Variants in SCML2 observed in about 807,000 individuals in gnomAD.
The protein encoded by SCML2 is sex comb on midleg-like protein 2.
SCML2 carries 6 observed loss-of-function variants against 48.4 expected under a neutral mutation model. That is an observed-to-expected ratio of 0.12 (90% CI 0.07 to 0.24). SCML2 has a LOEUF of 0.24. SCML2 is among the 10% of genes least tolerant of loss of function. The pLI is 1.00. For synonymous variants in SCML2, 181 were observed against 189.5 expected (o/e 0.95, Z 0.37); for missense variants, 377 against 528.2 (o/e 0.71, Z 2.81).
At chrX:18,353,700 G>A (rs1930443955) in intron 1 of SCML2, among the ~76,000 whole-genome samples, 1 of 112,330 alleles carries the variant, frequency 8.9e-6, no homozygotes, top group African/African-American at 3.2e-5. Flanking sequence ...GTAAATACTT[G>A]TGCTGCCCAA....
At chrX:18,264,420 A>C (rs1342073258) in intron 8 of SCML2, among the ~76,000 whole-genome samples, 4 of 88,759 alleles carry the variant, frequency 4.5e-5, no homozygotes, top group Non-Finnish European at 6.6e-5. Context: ...TGGTCTTTTT[A>C]ATCAGTACGA....
At chrX:18,324,497 C>T (rs1172293892) in intron 4 of SCML2, among the ~76,000 whole-genome samples, 1 of 111,277 alleles carries the variant, frequency 9.0e-6, no homozygotes, top group Non-Finnish European at 1.9e-5. Flanking sequence ...TCCACATTAT[C>T]GCCTCTATCC....
chrX:18,263,068 T>C (rs994182179), intron 8 of SCML2, among the ~76,000 whole-genome samples: 5 of 111,639 alleles, frequency 4.5e-5, no homozygotes, highest in Non-Finnish European at 7.5e-5. Flanking sequence ...TTATAATGAA[T>C]ATATTTGAAT....
intron 13 of SCML2, among the ~76,000 whole-genome samples, chrX:18,246,168 C>G (rs1403938115): frequency 8.9e-6 from 1 of 112,074 alleles, no homozygotes; most frequent in Admixed American, 9.4e-5. Flanking sequence ...GATGCCAGCC[C>G]GAATCCAGGA....
chrX:18,322,553 C>T (rs1173119690), intron 5 of SCML2, among the ~76,000 whole-genome samples: 1 of 111,987 alleles, frequency 8.9e-6, no homozygotes, highest in Non-Finnish European at 1.9e-5. Flanking sequence ...AAAAAACAAA[C>T]ATGCCCCAAA....
At chrX:18,320,684 G>A (rs1384157122) in intron 5 of SCML2, among the ~76,000 whole-genome samples, 1 of 110,984 alleles carries the variant, frequency 9.0e-6, no homozygotes, top group Non-Finnish European at 1.9e-5. Flanking sequence ...AAACAAACAT[G>A]TATATAATAC....
upstream of SCML2, among the ~76,000 whole-genome samples, chrX:18,355,012 C>T (rs2147582192): frequency 9.0e-6 from 1 of 111,653 alleles, no homozygotes; most frequent in South Asian, 3.7e-4. Flanking sequence ...ACTCGCTCCC[C>T]TTCACTGTCG....
Position 18,294,102 on chromosome X carries a change from A to G in SCML2, c.730+10870T>C, listed in dbSNP as rs951827999. On this transcript the variant is annotated intron_variant, in intron 7 of 14. Coordinates refer to ENST00000251900, the MANE Select transcript of SCML2 (RefSeq NM_006089.3). Reference sequence around the variant, plus strand: ...AATATGTGGGTAAATCTCAACAAACATTGACTATGTAAGTAATAATAGTAA... The same window carrying G: ...AATATGTGGGTAAATCTCAACAAACGTTGACTATGTAAGTAATAATAGTAA... 4.5e-5 allele frequency among the ~76,000 whole-genome samples: 5 copies of G among 112,264 alleles called. No individual in the cohort carries two copies. In the Admixed American group the frequency reaches 4.7e-4, roughly 11 times the overall value.
chrX:18,312,055 G>A (rs1252091558), intron 6 of SCML2, among the ~76,000 whole-genome samples: 1 of 112,058 alleles, frequency 8.9e-6, no homozygotes, highest in Non-Finnish European at 1.9e-5. Flanking sequence ...GCCTCCCAAT[G>A]TGCTGGGATT....
In SCML2 at chrX:18,256,950, A is replaced by G. The variant is rs745552960; in HGVS notation, c.1354T>C (p.Phe452Leu). ...TTATCACACTGCAGACTGTGGCAGA[A>G]GTTCTCAAGAAAGCGAAGAGCAAAT... ...ASFALRFLEN[F>L]CHSLQCDNLL... is the part of the protein sequence containing the mutation. The change falls in exon 11 of 15, where the codon TTC becomes CTC. Residue 452 changes from phenylalanine (F) to leucine (L), a missense_variant. Around this residue, in one of 3 missense-constraint regions of SCML2, gnomAD observed 299 missense variants for 425.5 expected, o/e 0.70. Coordinates refer to ENST00000251900, the MANE Select transcript of SCML2 (RefSeq NM_006089.3). The G allele has an allele frequency of 8.3e-7, 1 of 1,208,938 alleles. No individual in the cohort carries two copies. The highest frequency in any genetic ancestry group is 3.0e-5 in the East Asian group (1 of 33,749).
At chrX:18,318,271 A>T (rs1348566013) in intron 6 of SCML2, among the ~76,000 whole-genome samples, 3 of 113,005 alleles carry the variant, frequency 2.7e-5, no homozygotes, top group African/African-American at 9.6e-5. Context: ...GCGTACCCAC[A>T]GAATTTTTCT....
intron 6 of SCML2, among the ~76,000 whole-genome samples, chrX:18,310,557 C>T (rs747319344): frequency 7.3e-5 from 8 of 110,223 alleles, no homozygotes; most frequent in African/African-American, 2.3e-4. Context: ...TGAGCCACTG[C>T]GCCCAGCCTT....
chrX:18,281,658 G>A (rs1927856481), intron 7 of SCML2, among the ~76,000 whole-genome samples: 1 of 103,666 alleles, frequency 9.6e-6, no homozygotes. Flanking sequence ...GTTGCAGTGA[G>A]CTGAGATCGC....
chrX:18,324,830 G>T, intron 4 of SCML2, 77 bp downstream of exon 4: 1 of 755,103 alleles, frequency 1.3e-6, no homozygotes, highest in Non-Finnish European at 2.0e-6. Context: ...CACACTACCA[G>T]AATCTAACAA....
At chrX:18,256,523 T>C (rs901957479) in intron 11 of SCML2, among the ~76,000 whole-genome samples, 2 of 111,458 alleles carry the variant, frequency 1.8e-5, no homozygotes, top group African/African-American at 6.5e-5. Flanking sequence ...TTATAGCCAA[T>C]AGGCTCAACA....
chrX:18,313,138 T>C (rs184087608), intron 6 of SCML2, among the ~76,000 whole-genome samples: 1 of 110,761 alleles, frequency 9.0e-6, no homozygotes, highest in East Asian at 2.9e-4. Flanking sequence ...GTCTTTGCCC[T>C]GTTATTCCAA....
At chrX:18,268,690 C>T (rs980443652) in intron 7 of SCML2, among the ~76,000 whole-genome samples, 2 of 108,811 alleles carry the variant, frequency 1.8e-5, no homozygotes, top group African/African-American at 3.4e-5. Context: ...GTGGGTGCAG[C>T]GCACCAGCAT....
At chrX:18,318,996 C>T (rs1466734990) in intron 6 of SCML2, among the ~76,000 whole-genome samples, 1 of 111,985 alleles carries the variant, frequency 8.9e-6, no homozygotes. Context: ...TCCAATATGA[C>T]TGACATCCTT....
intron 1 of SCML2, among the ~76,000 whole-genome samples, chrX:18,351,674 C>CAA (rs58429855): frequency 1.1e-3 from 90 of 80,483 alleles, no homozygotes; most frequent in South Asian, 2.8e-3. Context: ...AATAACCAGG[C>CAA]AAAAAAAAAA....
Sources: allele counts gnomAD v4.1 joint callset (sites outside exome capture counted in the v4.1 genomes callset), GRCh38; gene constraint gnomAD v4.1.1; regional missense constraint gnomAD v4.1.1; transcripts MANE v1.5; gene names NCBI Gene and HGNC (gene_info 2026-07-23, HGNC 2026-07-21).